The following SHROOM3 variants were observed in gnomAD, a reference collection of about 807,000 sequenced individuals.
SHROOM3 encodes the protein protein Shroom3.
Under a neutral mutation model 138.6 loss-of-function variants are expected in SHROOM3, and 47 were observed. That is an observed-to-expected ratio of 0.34 (90% confidence interval 0.27 to 0.43). The LOEUF (loss-of-function observed/expected upper bound fraction) is 0.43. Ranked by LOEUF, SHROOM3 falls within the 20% of genes least tolerant of loss-of-function variation. SHROOM3 has a pLI of 1.00. For missense variants in SHROOM3, 2,491 were observed against 2,596.5 expected (o/e 0.96, Z 0.88); for synonymous variants, 1,062 against 1,063.3 (o/e 1.00, Z 0.02).
At chr4:76,659,845 G>C (rs928184782) in intron 2 of SHROOM3, among the ~76,000 whole-genome samples, 3 of 152,166 alleles carry the variant, frequency 2.0e-5, no homozygotes, top group Non-Finnish European at 4.4e-5. Flanking sequence ...GCCTCCCAAA[G>C]TGCTGGGATT....
rs1175605995 is a variant in SHROOM3, at chr4:76,756,495, C to A, written c.4756C>A (p.Pro1586Thr). ...GACAATTGCAAGGGAAAGGCACATG[C>A]CTGGTGCAGCCCATGTGGTAGGTAG... ...KVTIARERHMPGAAHVVGSQT... is the reference protein window; with the variant it reads ...KVTIARERHMTGAAHVVGSQT... The change falls in exon 8 of 11, where the codon CCT (proline) becomes ACT (threonine). Residue 1586 changes from proline to threonine, a missense_variant. This residue lies in a region of SHROOM3 where 470 missense variants were observed against 595.0 expected (regional missense o/e 0.79). Transcript: ENST00000296043. 1 of 1,613,564 alleles carries A rather than the reference C, an allele frequency of 6.2e-7. No individual in the cohort carries two copies. Among genetic ancestry groups the A allele is most frequent in the African/African-American group, 1.3e-5 (1 of 74,710 alleles).
chr4:76,496,001 G>A (rs1481104776), intron 1 of SHROOM3, among the ~76,000 whole-genome samples: 1 of 152,254 alleles, frequency 6.6e-6, no homozygotes, highest in Non-Finnish European at 1.5e-5. Context: ...GGAGGTGTCA[G>A]TGGACCAAAG....
intron 1 of SHROOM3, among the ~76,000 whole-genome samples, chr4:76,508,739 G>C (rs987588366): frequency 6.6e-6 from 1 of 152,092 alleles, no homozygotes; most frequent in Non-Finnish European, 1.5e-5. Flanking sequence ...AATGTTTCAT[G>C]GTTTTCAGTG....
intron 1 of SHROOM3, among the ~76,000 whole-genome samples, chr4:76,519,601 C>T (rs1159211800): frequency 7.2e-5 from 11 of 152,200 alleles, no homozygotes; most frequent in Admixed American, 2.0e-4. Context: ...AGTAGAGGGC[C>T]GTTCCAGTGC....
intron 2 of SHROOM3, among the ~76,000 whole-genome samples, chr4:76,681,631 G>GTGTGTGTGTA (rs1196090598): frequency 6.8e-6 from 1 of 147,280 alleles, no homozygotes; most frequent in Non-Finnish European, 1.5e-5. Context: ...GTGTGTGTGT[G>GTGTGTGTGTA]TGTATGTGTC....
At chr4:76,712,886 T>C (rs138460206) in intron 3 of SHROOM3, among the ~76,000 whole-genome samples, 1 of 152,352 alleles carries the variant, frequency 6.6e-6, no homozygotes, top group Non-Finnish European at 1.5e-5. Context: ...TAGCCTAGAC[T>C]ATGGTGTAGC....
At chr4:76,624,622 TA>T (rs1191628066) in intron 2 of SHROOM3, among the ~76,000 whole-genome samples, 1 of 152,148 alleles carries the variant, frequency 6.6e-6, no homozygotes, top group Non-Finnish European at 1.5e-5. Flanking sequence ...GTTACGTTTT[TA>T]AAAAGAGTGG....
chr4:76,728,621 T>C, intron 3 of SHROOM3, among the ~76,000 whole-genome samples: 1 of 152,252 alleles, frequency 6.6e-6, no homozygotes, highest in East Asian at 1.9e-4. Context: ...ATGTTGGTTC[T>C]GCTGTTGATG....
chr4:76,622,069 G>A (rs1005104818), intron 2 of SHROOM3, among the ~76,000 whole-genome samples: 2 of 151,946 alleles, frequency 1.3e-5, no homozygotes, highest in African/African-American at 2.4e-5. Flanking sequence ...TACCTCAGGC[G>A]ATCCACCCAC....
intron 10 of SHROOM3, among the ~76,000 whole-genome samples, chr4:76,773,888 C>T (rs1450319245): frequency 6.6e-6 from 1 of 152,092 alleles, no homozygotes; most frequent in Non-Finnish European, 1.5e-5. Flanking sequence ...AAAGACCTTA[C>T]CACAGTCATA....
At chr4:76,752,739 AG>A in intron 6 of SHROOM3, among the ~76,000 whole-genome samples, 1 of 152,242 alleles carries the variant, frequency 6.6e-6, no homozygotes, top group Non-Finnish European at 1.5e-5. Context: ...ACTTTAGTAT[AG>A]TTTGTGTAAA....
At position 76,739,502 on chromosome 4, in the gene SHROOM3, C is replaced by G; in HGVS notation, c.1329C>G (p.Ser443Arg). 1 of 1,614,050 alleles carries G rather than the reference C, an allele frequency of 6.2e-7. No individual in the cohort carries two copies. Among genetic ancestry groups the G allele is most frequent in the Non-Finnish European group, 8.5e-7 (1 of 1,179,956 alleles). ...TGCTGGAGAAGAGTCCAGAGAACAG[C>G]CCCCCAGTGAAGCCCAAGCATAACT... ...HTVLEKSPEN[S>R]PPVKPKHNYT... is the part of the protein sequence containing the mutation. Residue 443 changes from serine (S) to arginine (R), a missense_variant, in exon 5 of 11, where the codon AGC becomes AGG. Physicochemically the swap from Ser to Arg is moderately radical, Grantham distance 110. Coordinates refer to ENST00000296043, the MANE Select transcript of SHROOM3 (RefSeq NM_020859.4).
chr4:76,614,292 G>A (rs1472245307), intron 2 of SHROOM3, among the ~76,000 whole-genome samples: 4 of 152,022 alleles, frequency 2.6e-5, no homozygotes, highest in African/African-American at 9.7e-5. Context: ...CTTATCTAGT[G>A]ATCTGCCTGC....
chr4:76,451,390 G>T (rs1730923450), intron 1 of SHROOM3, among the ~76,000 whole-genome samples: 1 of 152,158 alleles, frequency 6.6e-6, no homozygotes, highest in African/African-American at 2.4e-5. Context: ...CAAAAAATTT[G>T]TGCAGAATCA....
chr4:76,626,487 A>T (rs1735147235), intron 2 of SHROOM3, among the ~76,000 whole-genome samples: 1 of 152,204 alleles, frequency 6.6e-6, no homozygotes, highest in African/African-American at 2.4e-5. Context: ...ATTCATCCCC[A>T]AGTTGTACAA....
chr4:76,587,878 T>C (rs2110047089), intron 2 of SHROOM3, among the ~76,000 whole-genome samples: 1 of 152,320 alleles, frequency 6.6e-6, no homozygotes, highest in Middle Eastern at 3.4e-3. Context: ...GAAATGAACA[T>C]TGGAAAGCTA....
chr4:76,601,524 T>C (rs527643378), intron 2 of SHROOM3, among the ~76,000 whole-genome samples: 1 of 152,280 alleles, frequency 6.6e-6, no homozygotes, highest in South Asian at 2.1e-4. Context: ...CTCCTTTGCT[T>C]TCTTTTTTAT....
chr4:76,755,296 T>C, intron 7 of SHROOM3, 104 bp downstream of exon 7: 1 of 1,360,652 alleles, frequency 7.3e-7, no homozygotes, highest in East Asian at 2.5e-5. Context: ...GGCATGGAGA[T>C]GTTTCTATAC....
chr4:76,643,126 A>G (rs1156932290), intron 2 of SHROOM3, among the ~76,000 whole-genome samples: 1 of 151,106 alleles, frequency 6.6e-6, no homozygotes, highest in Non-Finnish European at 1.5e-5. Context: ...AGGCAGGAGA[A>G]TTGCTTGAAC....
Sources: gnomAD v4.1 joint callset for allele counts (sites outside exome capture counted in the v4.1 genomes callset) on GRCh38, gnomAD v4.1.1 for gene constraint, gnomAD v4.1.1 regional missense constraint, MANE v1.5 for transcripts, NCBI Gene and HGNC (gene_info 2026-07-23, HGNC 2026-07-21) for gene names.